NALF1: variants seen among roughly 807,000 people sequenced by gnomAD.
NALF1 encodes family with sequence similarity 155 member A.
NALF1 carries 3 observed loss-of-function variants against 48.4 expected under a neutral mutation model. The observed-to-expected ratio is 0.06, with a 90% CI of 0.03 to 0.16. The LOEUF is 0.16. Ranked by LOEUF, NALF1 falls within the 10% of genes least tolerant of loss-of-function variation. The pLI, the probability that NALF1 is intolerant of heterozygous loss-of-function variation, is 1.00. For synonymous variants in NALF1, 262 were observed against 245.7 expected, an observed-to-expected ratio of 1.07 and a Z score of -0.62; for missense variants, 526 against 571.5, an observed-to-expected ratio of 0.92 and a Z score of 0.81.
At chr13:107,609,206 G>C (rs1378511162) in intron 1 of NALF1, among the ~76,000 whole-genome samples, 3 of 152,272 alleles carry the variant, frequency 2.0e-5, no homozygotes, top group Non-Finnish European at 4.4e-5. Context: ...AGGCCAGAGG[G>C]GCTGTCCTCT....
At chr13:107,235,200 G>A (rs1325768747) in intron 1 of NALF1, among the ~76,000 whole-genome samples, 1 of 152,140 alleles carries the variant, frequency 6.6e-6, no homozygotes, top group Admixed American at 6.6e-5. Flanking sequence ...TAATATTTAT[G>A]ATCAGAATGC....
chr13:107,480,388 T>A (rs1885236769), intron 1 of NALF1, among the ~76,000 whole-genome samples: 1 of 152,192 alleles, frequency 6.6e-6, no homozygotes, highest in African/African-American at 2.4e-5. Flanking sequence ...ATTATCTGAG[T>A]AATTCTAGCA....
chr13:107,343,275 C>T (rs942022062), intron 1 of NALF1, among the ~76,000 whole-genome samples: 1 of 152,116 alleles, frequency 6.6e-6, no homozygotes, highest in Non-Finnish European at 1.5e-5. Context: ...ACTTGCACAA[C>T]TGAGTTAATA....
chr13:107,532,239 C>G (rs1429412746), intron 1 of NALF1, among the ~76,000 whole-genome samples: 1 of 150,052 alleles, frequency 6.7e-6, no homozygotes, highest in Non-Finnish European at 1.5e-5. Flanking sequence ...TAAAGTAAAA[C>G]AGCATCTTTT....
intron 1 of NALF1, among the ~76,000 whole-genome samples, chr13:107,229,621 G>A (rs947811254): frequency 6.6e-6 from 1 of 152,100 alleles, no homozygotes; most frequent in Non-Finnish European, 1.5e-5. Flanking sequence ...CTGGTTTATC[G>A]AGAGAAAGCA....
chr13:107,806,565 C>A (rs1264930352), intron 1 of NALF1, among the ~76,000 whole-genome samples: 1 of 152,048 alleles, frequency 6.6e-6, no homozygotes, highest in African/African-American at 2.4e-5. Context: ...AATGTGACAT[C>A]TGGTCAGAAA....
chr13:107,504,887 A>T (rs1402608672), intron 1 of NALF1, among the ~76,000 whole-genome samples: 1 of 152,132 alleles, frequency 6.6e-6, no homozygotes, highest in Non-Finnish European at 1.5e-5. Flanking sequence ...TCTACTCAAC[A>T]AATATTTAGG....
intron 1 of NALF1, among the ~76,000 whole-genome samples, chr13:107,348,159 C>A (rs1044688262): frequency 2.0e-5 from 3 of 152,090 alleles, no homozygotes; most frequent in Non-Finnish European, 2.9e-5. Flanking sequence ...TATTTCAGTT[C>A]TGTGGAAATT....
At chr13:107,203,659 G>A (rs1052056127) in intron 2 of NALF1, among the ~76,000 whole-genome samples, 16 of 152,150 alleles carry the variant, frequency 1.1e-4, no homozygotes, top group Non-Finnish European at 1.8e-4. Context: ...CTCAGGCTGG[G>A]CCCTCAGTGG....
intron 1 of NALF1, among the ~76,000 whole-genome samples, chr13:107,290,901 A>C (rs1465931757): frequency 6.6e-6 from 1 of 152,092 alleles, no homozygotes; most frequent in East Asian, 1.9e-4. Flanking sequence ...AAAAGGAAAA[A>C]TAGTGCCACC....
chr13:107,425,462 C>A (rs1432995397), intron 1 of NALF1, among the ~76,000 whole-genome samples: 2 of 152,064 alleles, frequency 1.3e-5, no homozygotes, highest in Non-Finnish European at 2.9e-5. Context: ...TTTTAAAGAA[C>A]ATATTAAATA....
At position 107,640,439 on chromosome 13, in the gene NALF1, T is replaced by C. The variant is rs150668597; in HGVS notation, c.915+225243A>G. Reference sequence around the variant, plus strand: ...TATTTGGTTTTATTTTATTTTAACATAACATTTTTAAGATACAGTAAAATG... The same window carrying C: ...TATTTGGTTTTATTTTATTTTAACACAACATTTTTAAGATACAGTAAAATG... On this transcript the variant is annotated intron_variant, in intron 1 of 2. Transcript: ENST00000375915. 5.6e-3 allele frequency among the ~76,000 whole-genome samples: 847 copies of C among 152,270 alleles called. 5 individuals carry two copies. Among genetic ancestry groups the C allele is most frequent in the African/African-American group, 0.019 (807 of 41,572 alleles).
chr13:107,214,205 T>C (rs1879825792), intron 1 of NALF1, among the ~76,000 whole-genome samples: 1 of 152,190 alleles, frequency 6.6e-6, no homozygotes, highest in Non-Finnish European at 1.5e-5. Flanking sequence ...CTAGAAGTTT[T>C]TGCAGGAAGG....
chr13:107,473,733 C>T (rs1364201301), intron 1 of NALF1, among the ~76,000 whole-genome samples: 1 of 152,194 alleles, frequency 6.6e-6, no homozygotes, highest in Non-Finnish European at 1.5e-5. Flanking sequence ...CGCCCTTCCA[C>T]CCTGCTCCCT....
chr13:107,632,786 T>C (rs182449023), intron 1 of NALF1, among the ~76,000 whole-genome samples: 100 of 152,188 alleles, frequency 6.6e-4, no homozygotes, highest in African/African-American at 2.4e-3. Context: ...AAAGTAAACA[T>C]TGCATTTTGA....
intron 1 of NALF1, among the ~76,000 whole-genome samples, chr13:107,831,158 C>T (rs1879713314): frequency 6.6e-6 from 1 of 152,112 alleles, no homozygotes; most frequent in African/African-American, 2.4e-5. Context: ...TTTCATTATC[C>T]ACATTTCAAG....
At chr13:107,472,548 G>A (rs1352885221) in intron 1 of NALF1, among the ~76,000 whole-genome samples, 3 of 152,144 alleles carry the variant, frequency 2.0e-5, no homozygotes, top group African/African-American at 7.2e-5. Context: ...AGCTGCCAGT[G>A]TGGCTAGGAT....
At chr13:107,603,398 AAT>A (rs1416123754) in intron 1 of NALF1, among the ~76,000 whole-genome samples, 4 of 152,204 alleles carry the variant, frequency 2.6e-5, no homozygotes, top group African/African-American at 9.6e-5. Flanking sequence ...AAGTTGGCTA[AAT>A]ATGAGAGGTT....
At chr13:107,767,662 T>C (rs1013265268) in intron 1 of NALF1, among the ~76,000 whole-genome samples, 1 of 152,210 alleles carries the variant, frequency 6.6e-6, no homozygotes, top group Non-Finnish European at 1.5e-5. Flanking sequence ...CTAATGGTCA[T>C]TTTTCCCCAA....
Sources: allele counts gnomAD v4.1 joint callset (sites outside exome capture counted in the v4.1 genomes callset), GRCh38; gene constraint gnomAD v4.1.1; transcripts MANE v1.5; gene names NCBI Gene and HGNC (gene_info 2026-07-23, HGNC 2026-07-21).